The following HOOK3 variants were observed in gnomAD, a reference collection of about 807,000 sequenced individuals.
The protein encoded by HOOK3 is protein Hook homolog 3.
A neutral mutation model predicts 116.3 loss-of-function variants in HOOK3; 24 were observed. That is an observed-to-expected ratio of 0.21 (90% CI 0.15 to 0.29). The LOEUF is 0.29. HOOK3 is among the 10% of genes least tolerant of loss of function. The pLI is 1.00. For missense variants in HOOK3, 632 were observed against 830.2 expected, an observed-to-expected ratio of 0.76 and a Z score of 2.93; for synonymous variants, 275 against 283.0, an observed-to-expected ratio of 0.97 and a Z score of 0.28.
chr8:42,969,957 T>TTA (rs1449077878), intron 11 of HOOK3, among the ~76,000 whole-genome samples: 1 of 152,222 alleles, frequency 6.6e-6, no homozygotes, highest in Non-Finnish European at 1.5e-5. Flanking sequence ...ATAATGAACT[T>TTA]AAAGTACTTT....
intron 5 of HOOK3, among the ~76,000 whole-genome samples, chr8:42,949,786 G>A (rs532714584): frequency 4.4e-4 from 67 of 152,028 alleles, no homozygotes; most frequent in African/African-American, 9.2e-4. Context: ...GTGTGGTGGC[G>A]CACGCCTGTA....
rs1417500710 is a variant in HOOK3 at position 43,004,680 on chromosome 8, A to T, written c.1655+2539A>T. Among the ~76,000 whole-genome samples, 8 of 103,942 alleles carry T rather than the reference A, an allele frequency of 7.7e-5. No individual in the cohort carries two copies. In the East Asian group the frequency reaches 1.5e-3, roughly 20 times the overall value. 68.2% of individuals were successfully genotyped at this position (103,942 alleles called of 152,430 possible). The stretch of plus-strand genomic sequence containing the variant: ...TGGGAGGCAGAGCAAGACTCCATCT[A>T]AAAAAAAAAAAAAAAAAAAAAACTA... On this transcript the variant is annotated intron_variant, in intron 17 of 21. Coordinates refer to ENST00000307602, the MANE Select transcript of HOOK3 (RefSeq NM_032410.4).
chr8:42,968,227 C>T lies in HOOK3; in HGVS notation c.1122+13C>T. ...CTACAAGAGACAGGTAAAAGAAACA[C>T]AGCATCTTGATGATGGTTTCAGGCA... On this transcript the variant is annotated intron_variant, in intron 11 of 21. Transcript: ENST00000307602. 3 of 1,595,360 alleles carry T rather than the reference C, an allele frequency of 1.9e-6. No homozygotes were observed. The highest frequency in any genetic ancestry group is 2.2e-5 in the South Asian group (2 of 88,948).
At chr8:42,971,894 G>A (rs750175734) in intron 11 of HOOK3, among the ~76,000 whole-genome samples, 2 of 151,968 alleles carry the variant, frequency 1.3e-5, no homozygotes, top group African/African-American at 4.8e-5. Context: ...TTGCCCCCAG[G>A]GTGATCTGGA....
chr8:42,921,925 A>G (rs1482867483), intron 2 of HOOK3, among the ~76,000 whole-genome samples: 2 of 152,204 alleles, frequency 1.3e-5, no homozygotes, highest in East Asian at 3.8e-4. Flanking sequence ...TATCTTAAGT[A>G]CCATAACATC....
rs1317618963 is a variant in HOOK3, at chr8:43,025,741, C to T, written c.*7243C>T. On this transcript the variant is annotated 3_prime_UTR_variant, in exon 22 of 22. Coordinates refer to ENST00000307602, the MANE Select transcript of HOOK3 (RefSeq NM_032410.4). ...GAAGAAATCTGCGGTGGCTGAAAAT[C>T]GTGACCAACTTGGTGTTATCTAGAT... 5 of 215,750 alleles carry T rather than the reference C, an allele frequency of 2.3e-5. No homozygotes were observed. The highest frequency in any genetic ancestry group is 4.7e-5 in the Non-Finnish European group (5 of 107,364). The allele number at this position is 215,750 out of a possible 1,614,324, so 13.4% of individuals were successfully genotyped here.
intron 21 of HOOK3, among the ~76,000 whole-genome samples, chr8:43,017,960 A>G (rs1156511304): frequency 6.6e-6 from 1 of 152,210 alleles, no homozygotes; most frequent in Admixed American, 6.5e-5. Context: ...GAAACAACAC[A>G]AGCATTTGTG....
chr8:43,023,318 G>A lies in HOOK3; in HGVS notation c.*4820G>A, dbSNP rs1352848970. 1 of 181,002 alleles carries A rather than the reference G, an allele frequency of 5.5e-6. No individual in the cohort carries two copies. The highest frequency in any genetic ancestry group is 1.2e-5 in the Non-Finnish European group (1 of 85,014). 11.2% of individuals were successfully genotyped at this position (181,002 alleles called of 1,614,324 possible). ...GATCAGTAGTGAGTGAGTGTTAAGTGAAAGATGAGCTAGGTTGAAGAAAAT... is the reference window on the plus strand; with the variant it reads ...GATCAGTAGTGAGTGAGTGTTAAGTAAAAGATGAGCTAGGTTGAAGAAAAT... On this transcript the variant is annotated 3_prime_UTR_variant, in exon 22 of 22. Coordinates refer to ENST00000307602, the MANE Select transcript of HOOK3 (RefSeq NM_032410.4).
At position 42,968,018 on chromosome 8, in the gene HOOK3, C is replaced by A. The variant is rs751142472; in HGVS notation, c.926C>A (p.Ser309Tyr). The A allele has an allele frequency of 1.3e-6, 2 of 1,523,402 alleles. No individual in the cohort carries two copies. The highest frequency in any genetic ancestry group is 1.8e-6 in the Non-Finnish European group (2 of 1,100,150). The allele number at this position is 1,523,402 out of a possible 1,614,324, so 94.4% of individuals were successfully genotyped here. A position where few individuals can be genotyped will look rare whatever the true frequency, so the allele number is the denominator to read the frequency against. ...AATTTCCCATCTAATTCTAGACATTCTTCTGATAAAGTATCTAAACTAGAA... is the reference window on the plus strand; with the variant it reads ...AATTTCCCATCTAATTCTAGACATTATTCTGATAAAGTATCTAAACTAGAA... Reference protein sequence around the residue: ...LKDEIDVLRHSSDKVSKLEGQ... With the variant: ...LKDEIDVLRHYSDKVSKLEGQ... The change falls in exon 11 of 22, where the codon TCT becomes TAT. Residue 309 changes from serine (S) to tyrosine (Y), a missense_variant. Ser to Tyr is a moderately radical substitution (Grantham distance 144). Around this residue, in one of 3 missense-constraint regions of HOOK3, gnomAD observed 483 missense variants for 648.1 expected, o/e 0.75. Coordinates refer to ENST00000307602, the MANE Select transcript of HOOK3 (RefSeq NM_032410.4).
chr8:42,913,992 A>G (rs993265377), intron 2 of HOOK3, among the ~76,000 whole-genome samples: 1 of 152,172 alleles, frequency 6.6e-6, no homozygotes, highest in South Asian at 2.1e-4. Flanking sequence ...GCGCTGATTC[A>G]TCTTTGGTTC....
chr8:42,964,767 C>T (rs572558928), intron 9 of HOOK3, among the ~76,000 whole-genome samples: 21 of 151,094 alleles, frequency 1.4e-4, no homozygotes, highest in East Asian at 1.4e-3. Context: ...GTGGAGATTT[C>T]GGTGAGCCGA....
chr8:43,011,884 A>G (rs1042482258), intron 19 of HOOK3, among the ~76,000 whole-genome samples: 3 of 152,190 alleles, frequency 2.0e-5, no homozygotes, highest in East Asian at 1.9e-4. Context: ...GTCTTTAAAA[A>G]TAAAATAAAA....
At chr8:42,975,909 G>A (rs533583475) in intron 13 of HOOK3, among the ~76,000 whole-genome samples, 1 of 152,218 alleles carries the variant, frequency 6.6e-6, no homozygotes, top group African/African-American at 2.4e-5. Context: ...GTTTCACCGT[G>A]TTAGCCAGGA....
intron 2 of HOOK3, among the ~76,000 whole-genome samples, chr8:42,909,380 A>G (rs1807378124): frequency 6.6e-6 from 1 of 152,266 alleles, no homozygotes; most frequent in Non-Finnish European, 1.5e-5. Flanking sequence ...TACCCAATTT[A>G]TGGAAGCAAC....
At chr8:42,962,633 T>C (rs994966262) in intron 8 of HOOK3, among the ~76,000 whole-genome samples, 4 of 151,648 alleles carry the variant, frequency 2.6e-5, no homozygotes, top group Admixed American at 2.6e-4. Context: ...CTCCAACTCC[T>C]AGCTCAAGTA....
Position 42,959,293 on chromosome 8 carries a change from A to T in HOOK3, c.594A>T (p.Arg198Ser), listed in dbSNP as rs1388290243. Residue 198 changes from arginine (R) to serine (S), a missense_variant, in exon 8 of 22, where the codon AGA becomes AGT. By Grantham distance (110) the Arg-to-Ser change is moderately radical (BLOSUM62 -1). Around this residue, in one of 3 missense-constraint regions of HOOK3, gnomAD observed 483 missense variants for 648.1 expected, o/e 0.75. Coordinates refer to ENST00000307602, the MANE Select transcript of HOOK3 (RefSeq NM_032410.4). Reference sequence around the variant, plus strand: ...CAGCAAAGGAAGAAATTGCTCAAAGATGCCATGAACTGGATATGCAGGTAA... The same window carrying T: ...CAGCAAAGGAAGAAATTGCTCAAAGTTGCCATGAACTGGATATGCAGGTAA... ...ALSAKEEIAQ[R>S]CHELDMQVAA... The T allele has an allele frequency of 1.2e-6, 2 of 1,613,284 alleles. No individual in the cohort carries two copies. Among genetic ancestry groups the T allele is most frequent in the Non-Finnish European group, 8.5e-7 (1 of 1,179,224 alleles).
intron 18 of HOOK3, among the ~76,000 whole-genome samples, chr8:43,009,199 G>A (rs975114238): frequency 6.6e-6 from 1 of 151,946 alleles, no homozygotes; most frequent in Non-Finnish European, 1.5e-5. Flanking sequence ...GAGCTCAGGA[G>A]TTTGAGACCA....
intron 18 of HOOK3, among the ~76,000 whole-genome samples, chr8:43,009,083 G>A (rs1192431989): frequency 2.6e-5 from 4 of 151,410 alleles, no homozygotes; most frequent in African/African-American, 9.7e-5. Flanking sequence ...CCAGCCTGGG[G>A]AACACAGCAA....
At chr8:42,994,431 T>G in intron 15 of HOOK3, 2 of 415,272 alleles carry the variant, frequency 4.8e-6, no homozygotes, top group Middle Eastern at 6.8e-4. Context: ...TTTTTTGATG[T>G]AGGTACTTGT....
Sources: gnomAD v4.1 joint callset for allele counts (sites outside exome capture counted in the v4.1 genomes callset) on GRCh38, gnomAD v4.1.1 for gene constraint, gnomAD v4.1.1 regional missense constraint, MANE v1.5 for transcripts, NCBI Gene and HGNC (gene_info 2026-07-23, HGNC 2026-07-21) for gene names.